PUS7L: variants seen among roughly 807,000 people sequenced by gnomAD.
PUS7L encodes pseudouridine synthase 7 like.
Under a neutral mutation model 51.1 loss-of-function variants are expected in PUS7L, and 49 were observed. The observed-to-expected ratio is 0.96, with a 90% CI of 0.76 to 1.22. The LOEUF (loss-of-function observed/expected upper bound fraction) is 1.22. Ranked by LOEUF, PUS7L falls within the 50% of genes most tolerant of loss-of-function variation. The pLI is 0.00. For synonymous variants in PUS7L, 277 were observed against 276.2 expected (o/e 1.00, Z -0.03); for missense variants, 828 against 820.6 (o/e 1.01, Z -0.11).
At position 43,731,762 on chromosome 12, in the gene PUS7L, GT is replaced by G. The variant is rs1565628667; in HGVS notation, c.1726-5del. 2 of 1,551,720 alleles carry G rather than the reference GT, an allele frequency of 1.3e-6. No homozygotes were observed. The highest frequency in any genetic ancestry group is 4.5e-5 in the East Asian group (2 of 44,274). ...CCTCTTCAGTTACCAGGTGAATCTA[GT>G]TTTAAAAAACATGAAAATATGAATG... On this transcript the variant is annotated splice_region_variant and splice_polypyrimidine_tract_variant and intron_variant, in intron 7 of 8. Coordinates refer to ENST00000344862, the MANE Select transcript of PUS7L (RefSeq NM_031292.5).
chr12:43,750,743 G>A (rs2137745018), intron 2 of PUS7L, among the ~76,000 whole-genome samples: 1 of 152,190 alleles, frequency 6.6e-6, no homozygotes, highest in East Asian at 1.9e-4. Context: ...AAACAAATGA[G>A]GGGAATCCTA....
At chr12:43,741,651 C>A (rs1937903248) in intron 5 of PUS7L, among the ~76,000 whole-genome samples, 1 of 152,176 alleles carries the variant, frequency 6.6e-6, no homozygotes, top group South Asian at 2.1e-4. Flanking sequence ...CAGTTATATT[C>A]CAGTTGCTAA....
At chr12:43,747,827 C>T (rs573130760) in intron 3 of PUS7L, among the ~76,000 whole-genome samples, 3 of 152,198 alleles carry the variant, frequency 2.0e-5, no homozygotes, top group South Asian at 2.1e-4. Flanking sequence ...CTCGCTCTGT[C>T]GCCCAGGCTG....
At chr12:43,756,595 G>C (rs1015080530) in intron 1 of PUS7L, among the ~76,000 whole-genome samples, 1 of 152,056 alleles carries the variant, frequency 6.6e-6, no homozygotes, top group Non-Finnish European at 1.5e-5. Flanking sequence ...CATCTATATG[G>C]ATCATCCATT....
In PUS7L at chr12:43,719,003, ATATT is replaced by A. The variant is rs1036555079; in HGVS notation, c.*11369_*11372del. 3.3e-5 allele frequency: 5 copies of A among 151,158 alleles called. No individual in the cohort carries two copies. Among genetic ancestry groups the A allele is most frequent in the Admixed American group, 1.3e-4 (2 of 15,128 alleles). 9.4% of individuals were successfully genotyped at this position (151,158 alleles called of 1,614,324 possible). ...TCCTCAAACCAAAGGATGTTTTATA[ATATT>A]TATTCTTGCATTCTAAAAAATTTGA... On this transcript the variant is annotated 3_prime_UTR_variant, in exon 9 of 9. Coordinates refer to ENST00000344862, the MANE Select transcript of PUS7L (RefSeq NM_031292.5).
At chr12:43,751,194 A>G (rs1565643518) in intron 2 of PUS7L, among the ~76,000 whole-genome samples, 1 of 148,210 alleles carries the variant, frequency 6.7e-6, no homozygotes, top group East Asian at 1.9e-4. Context: ...TTTATTTTTA[A>G]TTTATATATA....
At chr12:43,751,679 G>A (rs1399005978) in intron 2 of PUS7L, among the ~76,000 whole-genome samples, 5 of 152,142 alleles carry the variant, frequency 3.3e-5, no homozygotes, top group African/African-American at 7.2e-5. Context: ...TGTCTTTATA[G>A]CAGCATGATT....
intron 2 of PUS7L, among the ~76,000 whole-genome samples, chr12:43,749,248 C>T (rs1259009886): frequency 2.0e-5 from 3 of 152,202 alleles, no homozygotes; most frequent in Non-Finnish European, 4.4e-5. Context: ...CCTGGATTAA[C>T]TAGAGCCTTC....
At chr12:43,755,855 T>C (rs987768498) in intron 1 of PUS7L, among the ~76,000 whole-genome samples, 11 of 152,216 alleles carry the variant, frequency 7.2e-5, no homozygotes, top group African/African-American at 2.7e-4. Context: ...ATAGAAGCTT[T>C]CAAGGTTGAG....
chr12:43,758,485 A>G (rs1250848773), intron 1 of PUS7L: 1 of 985,488 alleles, frequency 1.0e-6, no homozygotes, highest in African/African-American at 1.7e-5. Flanking sequence ...CTTCACAGAA[A>G]ACTAGGGCGT....
At chr12:43,736,287 T>C (rs1944686595) in intron 7 of PUS7L, 94 bp downstream of exon 7, 1 of 1,002,528 alleles carries the variant, frequency 1.0e-6, no homozygotes, top group South Asian at 1.6e-5. Context: ...AAATTACATG[T>C]ATGTTTAAAG....
At chr12:43,735,346 A>C in intron 7 of PUS7L, among the ~76,000 whole-genome samples, 1 of 151,094 alleles carries the variant, frequency 6.6e-6, no homozygotes, top group Admixed American at 6.6e-5. Context: ...AAATAAAAAT[A>C]AATAAATAAA....
intron 3 of PUS7L, among the ~76,000 whole-genome samples, chr12:43,746,813 T>C (rs902093832): frequency 2.6e-5 from 4 of 152,238 alleles, no homozygotes; most frequent in Non-Finnish European, 4.4e-5. Flanking sequence ...CTATTGAGTT[T>C]ACTGCCCGCA....
chr12:43,749,373 A>C (rs999670683), intron 2 of PUS7L, among the ~76,000 whole-genome samples: 6 of 152,186 alleles, frequency 3.9e-5, no homozygotes, highest in African/African-American at 1.4e-4. Context: ...CTACGTGCCC[A>C]ACAACAGTGG....
chr12:43,736,342 G>A (rs201401327), intron 7 of PUS7L, 39 bp downstream of exon 7: 609 of 1,572,934 alleles, frequency 3.9e-4, no homozygotes, highest in Non-Finnish European at 5.0e-4. Flanking sequence ...TTCTGGTATA[G>A]TAACTACTCT....
At position 43,738,329 on chromosome 12, in the gene PUS7L, C is replaced by A. The variant is rs1937713601; in HGVS notation, c.1425G>T (p.Lys475Asn). The A allele has an allele frequency of 1.3e-6, 2 of 1,578,688 alleles. No individual in the cohort carries two copies. The highest frequency in any genetic ancestry group is 1.7e-6 in the Non-Finnish European group (2 of 1,148,346). ...AAATACCAGTTTGAAGAAAATACTT[C>A]TTTGCTCTATTTACAGGATCATCCA... The part of the protein sequence containing the change: ...EDLDDPVNRA[K>N]KYFLQTEDAK... The change falls in exon 6 of 9, where the codon AAG (lysine) becomes AAT (asparagine). Residue 475 changes from lysine to asparagine, a missense_variant. Coordinates refer to ENST00000344862, the MANE Select transcript of PUS7L (RefSeq NM_031292.5).
chr12:43,729,146 A>G lies in PUS7L; in HGVS notation c.*1230T>C, dbSNP rs912234849. 1.8e-5 allele frequency: 7 copies of G among 397,284 alleles called. No individual in the cohort carries two copies. The East Asian group carries it at 1.8e-4, about 10-fold the overall frequency. 24.6% of individuals were successfully genotyped at this position (397,284 alleles called of 1,614,324 possible). A position where few individuals can be genotyped will look rare whatever the true frequency, so the allele number is the denominator to read the frequency against. On this transcript the variant is annotated 3_prime_UTR_variant, in exon 9 of 9. Coordinates refer to ENST00000344862, the MANE Select transcript of PUS7L (RefSeq NM_031292.5). ...TTTTACCATCAAGTTGATACACATCATTTTACTTACTTTAGTTACGTAATG... is the reference window on the plus strand; with the variant it reads ...TTTTACCATCAAGTTGATACACATCGTTTTACTTACTTTAGTTACGTAATG...
intron 2 of PUS7L, among the ~76,000 whole-genome samples, chr12:43,753,527 T>G (rs550536286): frequency 6.6e-6 from 1 of 152,274 alleles, no homozygotes; most frequent in Non-Finnish European, 1.5e-5. Context: ...AGGTTCCTGG[T>G]TTTATCTTAA....
At chr12:43,749,811 C>T (rs1938355988) in intron 2 of PUS7L, among the ~76,000 whole-genome samples, 1 of 152,196 alleles carries the variant, frequency 6.6e-6, no homozygotes, top group Admixed American at 6.5e-5. Flanking sequence ...CCAAACACCT[C>T]ATGTTCTCAC....
Sources: gnomAD v4.1 joint callset for allele counts (sites outside exome capture counted in the v4.1 genomes callset) on GRCh38, gnomAD v4.1.1 for gene constraint, MANE v1.5 for transcripts, NCBI Gene and HGNC (gene_info 2026-07-23, HGNC 2026-07-21) for gene names.